Variants in SEMA6A observed in about 807,000 individuals in gnomAD.
The protein encoded by SEMA6A is semaphorin 6A, also known as semaphorin-6A.
Under a neutral mutation model 96.8 loss-of-function variants are expected in SEMA6A, and 25 were observed. The ratio of observed to expected loss-of-function variants is 0.26; its 90% CI spans 0.19 to 0.36. The LOEUF (loss-of-function observed/expected upper bound fraction) is 0.36. SEMA6A is among the 10% of genes least tolerant of loss of function. SEMA6A has a pLI of 1.00. For synonymous variants in SEMA6A, 612 were observed against 518.0 expected, an observed-to-expected ratio of 1.18 and a Z score of -2.46; for missense variants, 1,363 against 1,323.1, an observed-to-expected ratio of 1.03 and a Z score of -0.47.
chr5:116,461,638 G>C (rs139741235), intron 18 of SEMA6A, among the ~76,000 whole-genome samples: 1 of 152,154 alleles, frequency 6.6e-6, no homozygotes, highest in Non-Finnish European at 1.5e-5. Flanking sequence ...CTGAAGGAAA[G>C]GAGCTGAAAA....
intron 1 of SEMA6A, among the ~76,000 whole-genome samples, chr5:116,573,675 C>A (rs1388584939): frequency 1.1e-4 from 16 of 152,108 alleles, no homozygotes. Context: ...GCTTCCACAC[C>A]GTCTCCGCGG....
rs10531207 is a variant in SEMA6A, at chr5:116,568,821, T to TACAC, written c.-39+5360_-39+5363dup. Among the ~76,000 whole-genome samples the TACAC allele has an allele frequency of 1.4e-3, 216 of 150,746 alleles. 1 individual carries two copies. The highest frequency in any genetic ancestry group is 4.6e-3 in the African/African-American group (190 of 41,000). ...TACCACCTATGTGCTTGGAAGATTGTACACACACACACACACACACACACA... is the reference window on the plus strand; with the variant it reads ...TACCACCTATGTGCTTGGAAGATTGTACACACACACACACACACACACACACACA... On this transcript the variant is annotated intron_variant, in intron 1 of 18. Coordinates refer to ENST00000343348, the MANE Select transcript of SEMA6A (RefSeq NM_020796.5).
rs568185466 is a variant in SEMA6A at position 116,539,606 on chromosome 5, T to C, written c.-39+34579A>G. 4.5e-4 allele frequency among the ~76,000 whole-genome samples: 69 copies of C among 151,856 alleles called. No individual in the cohort carries two copies. In the Middle Eastern group the frequency reaches 0.01, roughly 22 times the overall value. ...AATTCTGTGCGTGTGTGTGTGTGTG[T>C]GTGTGTGTGTGTACTTTCTTTAATT... On this transcript the variant is annotated intron_variant, in intron 1 of 18. Transcript: ENST00000343348.
At chr5:116,523,469 G>A (rs1759061349) in intron 1 of SEMA6A, among the ~76,000 whole-genome samples, 2 of 151,978 alleles carry the variant, frequency 1.3e-5, no homozygotes, top group Non-Finnish European at 1.5e-5. Flanking sequence ...GCGCCACCAT[G>A]CCCAGCTAAT....
Position 116,573,639 on chromosome 5 carries a change from C to T in SEMA6A, c.-39+546G>A, listed in dbSNP as rs540853462. Reference sequence around the variant, plus strand: ...ACTCCACGGAGCCCAGCCCAGACCCCACACTGACAACAAAAGATTCTCTCC... The same window carrying T: ...ACTCCACGGAGCCCAGCCCAGACCCTACACTGACAACAAAAGATTCTCTCC... On this transcript the variant is annotated intron_variant, in intron 1 of 18. Transcript: ENST00000343348. Among the ~76,000 whole-genome samples, 4 of 151,782 alleles carry T rather than the reference C, an allele frequency of 2.6e-5. No homozygotes were observed. In the South Asian group the frequency reaches 8.4e-4, roughly 32 times the overall value.
intron 1 of SEMA6A, among the ~76,000 whole-genome samples, chr5:116,560,793 C>CT (rs1760792577): frequency 6.6e-6 from 1 of 152,086 alleles, no homozygotes; most frequent in African/African-American, 2.4e-5. Context: ...TCAAGACACT[C>CT]TAAGAACCTC....
intron 1 of SEMA6A, among the ~76,000 whole-genome samples, chr5:116,546,198 T>C (rs927258707): frequency 6.6e-6 from 1 of 152,250 alleles, no homozygotes; most frequent in Non-Finnish European, 1.5e-5. Flanking sequence ...TTTGCCCACA[T>C]GGCCTTGGGG....
intron 1 of SEMA6A, among the ~76,000 whole-genome samples, chr5:116,540,282 A>G (rs1205056015): frequency 6.6e-6 from 1 of 152,278 alleles, no homozygotes; most frequent in Non-Finnish European, 1.5e-5. Flanking sequence ...CTTTAAAAGT[A>G]GATGAGTAAA....
chr5:116,466,144 G>A (rs1042169930), intron 18 of SEMA6A, among the ~76,000 whole-genome samples: 1 of 151,646 alleles, frequency 6.6e-6, no homozygotes, highest in African/African-American at 2.4e-5. Context: ...GCCGAGGCGG[G>A]TGGATCACCT....
intron 6 of SEMA6A, among the ~76,000 whole-genome samples, chr5:116,495,023 G>C (rs955490132): frequency 1.3e-5 from 2 of 152,180 alleles, no homozygotes; most frequent in African/African-American, 4.8e-5. Context: ...CCGTGCTTTT[G>C]AGATACCTTT....
intron 1 of SEMA6A, among the ~76,000 whole-genome samples, chr5:116,569,285 C>T (rs1179102524): frequency 6.6e-6 from 1 of 152,140 alleles, no homozygotes; most frequent in Non-Finnish European, 1.5e-5. Context: ...AATCATGTAG[C>T]TATCTGGGGA....
chr5:116,550,505 T>G (rs936663442), intron 1 of SEMA6A: 14 of 152,150 alleles, frequency 9.2e-5, no homozygotes, highest in Non-Finnish European at 1.3e-4. Flanking sequence ...ACTGAACCAA[T>G]GAGAAGGCAA....
intron 5 of SEMA6A, 173 bp from the exon 6 acceptor site, chr5:116,495,687 C>G (rs1326013234): frequency 1.8e-6 from 1 of 554,426 alleles, no homozygotes; most frequent in African/African-American, 1.9e-5. Flanking sequence ...CCGACATCAA[C>G]GATTACTCTT....
intron 18 of SEMA6A, 104 bp from the exon 19 acceptor site, chr5:116,447,915 C>G (rs184199328): frequency 1.1e-6 from 1 of 907,540 alleles, no homozygotes; most frequent in Non-Finnish European, 1.7e-6. Flanking sequence ...TAAGTGACAA[C>G]AGCACCTCTG....
At chr5:116,488,808 G>A in intron 8 of SEMA6A, 80 bp downstream of exon 8, 1 of 1,426,400 alleles carries the variant, frequency 7.0e-7, no homozygotes, top group East Asian at 2.6e-5. Flanking sequence ...GATACAGTCT[G>A]GTCCCTCCAG....
chr5:116,515,480 C>T (rs57435790), intron 1 of SEMA6A, among the ~76,000 whole-genome samples: 15 of 152,148 alleles, frequency 9.9e-5, no homozygotes, highest in African/African-American at 3.6e-4. Context: ...ATGAAGCAAA[C>T]TGCAAAAAAT....
chr5:116,549,159 C>T (rs1042754689), intron 1 of SEMA6A, among the ~76,000 whole-genome samples: 1 of 152,142 alleles, frequency 6.6e-6, no homozygotes, highest in Non-Finnish European at 1.5e-5. Context: ...CGCCAGGGAC[C>T]TACTAAAAGC....
At position 116,446,821 on chromosome 5, in the gene SEMA6A, G is replaced by C; in HGVS notation, c.2885C>G (p.Ala962Gly). 1 of 1,613,874 alleles carries C rather than the reference G, an allele frequency of 6.2e-7. No individual in the cohort carries two copies. The highest frequency in any genetic ancestry group is 8.5e-7 in the Non-Finnish European group (1 of 1,179,822). The change falls in exon 19 of 19, where the codon GCC becomes GGC. Residue 962 changes from alanine to glycine, a missense_variant. By Grantham distance (60) the Ala-to-Gly change is moderately conservative. Coordinates refer to ENST00000343348, the MANE Select transcript of SEMA6A (RefSeq NM_020796.5). ...CTGGATGGAGTCCACCCTCTGCGGGGCGGGCGGCGGGTTGTCTCCCCTGCC... is the reference window on the plus strand; with the variant it reads ...CTGGATGGAGTCCACCCTCTGCGGGCCGGGCGGCGGGTTGTCTCCCCTGCC... ...SFGRGDNPPP[A>G]PQRVDSIQVH...
At chr5:116,507,840 TG>T (rs1349131785) in intron 1 of SEMA6A, among the ~76,000 whole-genome samples, 1 of 152,224 alleles carries the variant, frequency 6.6e-6, no homozygotes, top group African/African-American at 2.4e-5. Flanking sequence ...TGAAGTGAAA[TG>T]GCCTTTGTAA....
Sources: gnomAD v4.1 joint callset for allele counts (sites outside exome capture counted in the v4.1 genomes callset) on GRCh38, gnomAD v4.1.1 for gene constraint, MANE v1.5 for transcripts, NCBI Gene and HGNC (gene_info 2026-07-23, HGNC 2026-07-21) for gene names.